The following LRBA variants were observed in gnomAD, a reference collection of about 807,000 sequenced individuals.
The protein encoded by LRBA is lipopolysaccharide-responsive and beige-like anchor protein.
LRBA carries 176 observed loss-of-function variants against 330.0 expected under a neutral mutation model. The observed-to-expected ratio is 0.53, with a 90% confidence interval of 0.47 to 0.60. The LOEUF (loss-of-function observed/expected upper bound fraction) is 0.60, where lower values mean the gene tolerates loss of function less well. Ranked by LOEUF, LRBA falls within the 20% of genes least tolerant of loss-of-function variation. The pLI, the probability that LRBA is intolerant of heterozygous loss-of-function variation, is 0.00. For synonymous variants in LRBA, 1,230 were observed against 1,193.0 expected (o/e 1.03, Z -0.64); for missense variants, 3,259 against 3,444.8 (o/e 0.95, Z 1.35).
At chr4:150,514,318 C>T (rs748856052) in intron 40 of LRBA, among the ~76,000 whole-genome samples, 17 of 152,240 alleles carry the variant, frequency 1.1e-4, no homozygotes, top group South Asian at 4.2e-4. Context: ...GTGATCCACC[C>T]GCCTTGGCCT....
At chr4:150,367,312 G>C (rs1478977227) in intron 47 of LRBA, among the ~76,000 whole-genome samples, 1 of 152,140 alleles carries the variant, frequency 6.6e-6, no homozygotes, top group Non-Finnish European at 1.5e-5. Flanking sequence ...GTGGAGGTAA[G>C]GAAAGAAAGA....
intron 9 of LRBA, among the ~76,000 whole-genome samples, chr4:150,912,893 G>A (rs1052540883): frequency 1.3e-5 from 2 of 151,876 alleles, no homozygotes; most frequent in African/African-American, 4.8e-5. Context: ...AGTTTTGGTA[G>A]GTTGTGCTTA....
chr4:150,355,604 G>C (rs1465951626), intron 47 of LRBA, among the ~76,000 whole-genome samples: 1 of 151,900 alleles, frequency 6.6e-6, no homozygotes, highest in Non-Finnish European at 1.5e-5. Context: ...CCACTCCCAG[G>C]CTTCTAGAAG....
intron 47 of LRBA, among the ~76,000 whole-genome samples, chr4:150,399,446 C>A (rs775476335): frequency 6.6e-6 from 1 of 152,126 alleles, no homozygotes; most frequent in Non-Finnish European, 1.5e-5. Context: ...ATTCTTTCAG[C>A]AAACATGACC....
chr4:150,432,453 CTTTTTT>C lies in LRBA; in HGVS notation c.7041+3130_7041+3135del, dbSNP rs35393002. 4.3e-4 allele frequency among the ~76,000 whole-genome samples: 42 copies of C among 98,422 alleles called. No individual in the cohort carries two copies. The Middle Eastern group carries it at 0.025, about 60-fold the overall frequency. 64.6% of individuals were successfully genotyped at this position (98,422 alleles called of 152,430 possible). On this transcript the variant is annotated intron_variant, in intron 46 of 56. Transcript: ENST00000651943. ...TATATTACAGTAATTTAAGTGTGTT[CTTTTTT>C]TTTTTTTTTTTTTTTTTTGAGACAC...
At chr4:150,504,431 C>T (rs931616292) in intron 40 of LRBA, among the ~76,000 whole-genome samples, 1 of 152,152 alleles carries the variant, frequency 6.6e-6, no homozygotes, top group Non-Finnish European at 1.5e-5. Context: ...AGAGTGGGGG[C>T]CAATATTCAA....
intron 28 of LRBA, among the ~76,000 whole-genome samples, chr4:150,834,650 T>A (rs752050972): frequency 6.6e-6 from 1 of 152,142 alleles, no homozygotes; most frequent in African/African-American, 2.4e-5. Context: ...TTATAATAAT[T>A]CTTAAGGGTC....
intron 35 of LRBA, among the ~76,000 whole-genome samples, chr4:150,744,379 T>C (rs1732415304): frequency 6.6e-6 from 1 of 152,214 alleles, no homozygotes; most frequent in Non-Finnish European, 1.5e-5. Flanking sequence ...GTCTCTTCCC[T>C]CTTCTCTACC....
chr4:150,869,742 A>C (rs187457578), intron 20 of LRBA, among the ~76,000 whole-genome samples: 335 of 152,210 alleles, frequency 2.2e-3, no homozygotes, highest in Non-Finnish European at 3.7e-3. Context: ...TTAAAACAAA[A>C]AAAAAAATTC....
chr4:150,958,673 T>C lies in LRBA; in HGVS notation c.217-29608A>G, dbSNP rs1579321162. 1.3e-5 allele frequency among the ~76,000 whole-genome samples: 2 copies of C among 149,292 alleles called. 1 individual carries two copies. The highest frequency in any genetic ancestry group is 5.2e-5 in the African/African-American group (2 of 38,682). On this transcript the variant is annotated intron_variant, in intron 2 of 56. Coordinates refer to ENST00000651943, the MANE Select transcript of LRBA (RefSeq NM_001364905.1). The stretch of plus-strand genomic sequence containing the variant: ...ACACTTTGCTTCCTCTTGAATGCTT[T>C]AGCACTTAGAAATTTCTTCCACCAG...
At chr4:150,568,947 C>G (rs1487171409) in intron 40 of LRBA, among the ~76,000 whole-genome samples, 1 of 152,032 alleles carries the variant, frequency 6.6e-6, no homozygotes, top group Non-Finnish European at 1.5e-5. Context: ...TAACTTTTAC[C>G]AGGCAATCCA....
intron 42 of LRBA, among the ~76,000 whole-genome samples, chr4:150,479,483 T>C (rs1409271950): frequency 2.6e-5 from 4 of 152,154 alleles, no homozygotes; most frequent in African/African-American, 7.2e-5. Context: ...CATTAAATTA[T>C]AAAAATTATC....
At chr4:150,996,381 C>T (rs574120763) in intron 2 of LRBA, among the ~76,000 whole-genome samples, 1 of 152,102 alleles carries the variant, frequency 6.6e-6, no homozygotes, top group African/African-American at 2.4e-5. Flanking sequence ...AAGGTATTGC[C>T]TAAAAAAGCC....
At position 150,369,969 on chromosome 4, in the gene LRBA, G is replaced by A. The variant is rs144761178; in HGVS notation, c.7195-19810C>T. On this transcript the variant is annotated intron_variant, in intron 47 of 56. Transcript: ENST00000651943. ...TTGACAGCCTTGTACACGTGCCTTA[G>A]GGCTCCCAGTGCTTTCTTCATGACT... 8.5e-5 allele frequency among the ~76,000 whole-genome samples: 13 copies of A among 152,146 alleles called. No individual in the cohort carries two copies. In the East Asian group the frequency reaches 2.5e-3, roughly 29 times the overall value.
intron 46 of LRBA, among the ~76,000 whole-genome samples, chr4:150,421,180 A>G (rs1181456664): frequency 2.2e-5 from 3 of 133,568 alleles, no homozygotes; most frequent in African/African-American, 8.3e-5. Context: ...TAATACATAG[A>G]TAATATATAA....
chr4:150,599,081 C>T lies in LRBA; in HGVS notation c.5972G>A (p.Arg1991His), dbSNP rs1277639509. 6.2e-7 allele frequency: 1 copy of T among 1,614,090 alleles called. No homozygotes were observed. Among genetic ancestry groups the T allele is most frequent in the Non-Finnish European group, 8.5e-7 (1 of 1,179,992 alleles). The change falls in exon 38 of 57, where the codon CGC becomes CAC. Residue 1991 changes from arginine (R) to histidine (H), a missense_variant. Physicochemically the swap from Arg to His is conservative, Grantham distance 29 (BLOSUM62 0). Coordinates refer to ENST00000651943, the MANE Select transcript of LRBA (RefSeq NM_001364905.1). ...RLDYWEDDLR[R>H]RRRFVRNPLG... ...AGGGTTACGCACAAATCGTCGCCGGCGCCGCAAGTCATCTTCCCAGTAGTC... is the reference window on the plus strand; with the variant it reads ...AGGGTTACGCACAAATCGTCGCCGGTGCCGCAAGTCATCTTCCCAGTAGTC...
chr4:150,807,205 T>C (rs1435993958), intron 32 of LRBA, among the ~76,000 whole-genome samples: 3 of 152,046 alleles, frequency 2.0e-5, no homozygotes, highest in African/African-American at 7.2e-5. Flanking sequence ...CCACTAGTTA[T>C]CTACTATTAA....
chr4:150,840,728 A>C (rs1748943779), intron 28 of LRBA: 1 of 172,712 alleles, frequency 5.8e-6, no homozygotes, highest in Non-Finnish European at 1.2e-5. Context: ...GACATAAAGT[A>C]CATGCTGTTG....
intron 2 of LRBA, among the ~76,000 whole-genome samples, chr4:150,979,920 T>C (rs935027320): frequency 1.3e-5 from 2 of 152,114 alleles, no homozygotes; most frequent in Non-Finnish European, 2.9e-5. Flanking sequence ...CCAATCCTAC[T>C]CAAATTATTC....
Sources: allele counts gnomAD v4.1 joint callset (sites outside exome capture counted in the v4.1 genomes callset), GRCh38; gene constraint gnomAD v4.1.1; transcripts MANE v1.5; gene names NCBI Gene and HGNC (gene_info 2026-07-23, HGNC 2026-07-21).